Variants in SEC24D observed in about 807,000 individuals in gnomAD.
The protein encoded by SEC24D is protein transport protein Sec24D.
SEC24D carries 69 observed loss-of-function variants against 116.9 expected under a neutral mutation model. The ratio of observed to expected loss-of-function variants is 0.59; its 90% CI spans 0.49 to 0.72. SEC24D has a LOEUF of 0.72. SEC24D is among the 30% of genes least tolerant of loss of function. The pLI is 0.00. For synonymous variants in SEC24D, 405 were observed against 442.8 expected, an observed-to-expected ratio of 0.91 and a Z score of 1.07; for missense variants, 1,131 against 1,264.1, an observed-to-expected ratio of 0.89 and a Z score of 1.60.
chr4:118,734,185 A>G (rs377128277), intron 19 of SEC24D, among the ~76,000 whole-genome samples: 1 of 150,032 alleles, frequency 6.7e-6, no homozygotes, highest in Non-Finnish European at 1.5e-5. Flanking sequence ...TGATCTATAA[A>G]TTAATGGTTT....
chr4:118,782,824 C>G (rs372264352), intron 8 of SEC24D, among the ~76,000 whole-genome samples: 5 of 152,206 alleles, frequency 3.3e-5, no homozygotes, highest in South Asian at 4.1e-4. Flanking sequence ...AACCCTCCCC[C>G]CTGCCAGGCT....
At chr4:118,833,464 C>A (rs891547688) in intron 2 of SEC24D, 115 bp downstream of exon 2, 19 of 692,198 alleles carry the variant, frequency 2.7e-5, no homozygotes, top group Non-Finnish European at 7.3e-6. Context: ...TAATCTCAAG[C>A]CATTTCATTA....
At chr4:118,747,467 T>C (rs954867850) in intron 13 of SEC24D, among the ~76,000 whole-genome samples, 2 of 152,070 alleles carry the variant, frequency 1.3e-5, no homozygotes, top group African/African-American at 2.4e-5. Context: ...GGCTTCTCCA[T>C]GTTGGTCAGG....
chr4:118,774,196 T>C (rs1728035269), intron 8 of SEC24D, among the ~76,000 whole-genome samples: 1 of 152,102 alleles, frequency 6.6e-6, no homozygotes, highest in South Asian at 2.1e-4. Context: ...TTTTCCTTTT[T>C]TTCTTTGAAC....
At chr4:118,832,060 A>G (rs56264833) in intron 2 of SEC24D, among the ~76,000 whole-genome samples, 6,649 of 152,110 alleles carry the variant, frequency 0.044, 203 homozygotes, top group Non-Finnish European at 0.064. Context: ...AAAATTACCC[A>G]GGCATGGTGG....
At chr4:118,742,347 A>G (rs1474912441) in intron 15 of SEC24D, among the ~76,000 whole-genome samples, 1 of 148,496 alleles carries the variant, frequency 6.7e-6, no homozygotes, top group Non-Finnish European at 1.5e-5. Context: ...CAGGAATGGA[A>G]GATGATAAAG....
chr4:118,726,747 G>A (rs1018409741), intron 22 of SEC24D, among the ~76,000 whole-genome samples: 6 of 151,994 alleles, frequency 3.9e-5, no homozygotes, highest in Admixed American at 6.5e-5. Context: ...ACTTGGTTTC[G>A]GTCATCTGTA....
rs749811700 is a variant in SEC24D at position 118,744,976 on chromosome 4, C to T, written c.1792G>A (p.Asp598Asn). Residue 598 changes from aspartate to asparagine, a missense_variant, in exon 14 of 23, where the codon GAC becomes AAC. Asp to Asn is a conservative substitution (Grantham distance 23). Transcript: ENST00000280551. ...TTGTCTGTATTAACCAGTTTTTTGT[C>T]ATCTCTGTTTTTGAGCTTCCCTGGT... ...EAPGKLKNRD[D>N]KKLVNTDKEK... 1.2e-6 allele frequency: 2 copies of T among 1,609,950 alleles called. No individual in the cohort carries two copies. The highest frequency in any genetic ancestry group is 1.7e-6 in the Non-Finnish European group (2 of 1,177,714).
intron 10 of SEC24D, chr4:118,760,720 G>T (rs13134170): frequency 0.63 from 93,892 of 149,720 alleles, 30,967 homozygotes; most frequent in Non-Finnish European, 0.72. Flanking sequence ...TTTTTTTTTT[G>T]TTTGTTTAAA....
At chr4:118,788,259 C>T (rs35857072) in intron 8 of SEC24D, among the ~76,000 whole-genome samples, 12 of 152,330 alleles carry the variant, frequency 7.9e-5, no homozygotes, top group African/African-American at 2.9e-4. Flanking sequence ...TAAATGGCAT[C>T]TATGGTGAAT....
rs1190642109 is a variant in SEC24D at position 118,790,370 on chromosome 4, T to G, written c.1041+7313A>C. Reference sequence around the variant, plus strand: ...TGTCCAAAAGATAAACATTTCCTATTTTAGAGAAAAAAATGCAAAATTAAA... The same window carrying G: ...TGTCCAAAAGATAAACATTTCCTATGTTAGAGAAAAAAATGCAAAATTAAA... On this transcript the variant is annotated intron_variant, in intron 8 of 22. Transcript: ENST00000280551. 2.0e-5 allele frequency among the ~76,000 whole-genome samples: 3 copies of G among 152,156 alleles called. No individual in the cohort carries two copies. In the East Asian group the frequency reaches 5.8e-4, roughly 29 times the overall value.
At chr4:118,796,257 C>T (rs917601864) in intron 8 of SEC24D, among the ~76,000 whole-genome samples, 4 of 152,178 alleles carry the variant, frequency 2.6e-5, no homozygotes, top group Non-Finnish European at 4.4e-5. Context: ...CTTTAAAATG[C>T]ATGCATTGTA....
Position 118,797,675 on chromosome 4 carries a change from ATT to A in SEC24D, c.1041+6_1041+7del. 6.3e-7 allele frequency: 1 copy of A among 1,584,310 alleles called. No homozygotes were observed. The highest frequency in any genetic ancestry group is 8.6e-7 in the Non-Finnish European group (1 of 1,161,870). Reference sequence around the variant, plus strand: ...AATTATTGAATTGCTATTATATATCATTCTTACCTCATTTGAAGGAATGGTGG... The same window carrying A: ...AATTATTGAATTGCTATTATATATCACTTACCTCATTTGAAGGAATGGTGG... On this transcript the variant is annotated splice_donor_region_variant and intron_variant, in intron 8 of 22. Transcript: ENST00000280551.
intron 2 of SEC24D, among the ~76,000 whole-genome samples, chr4:118,826,589 G>A (rs1041910672): frequency 1.1e-4 from 16 of 151,368 alleles, no homozygotes; most frequent in African/African-American, 3.9e-4. Context: ...CATGCACTAC[G>A]AGAAGTCGAA....
chr4:118,789,554 G>A (rs1344575356), intron 8 of SEC24D, among the ~76,000 whole-genome samples: 1 of 152,086 alleles, frequency 6.6e-6, no homozygotes, highest in Non-Finnish European at 1.5e-5. Flanking sequence ...TCATTAACAA[G>A]AAAGATTTAA....
chr4:118,771,761 TAA>T (rs960817222), intron 8 of SEC24D, among the ~76,000 whole-genome samples: 2 of 152,238 alleles, frequency 1.3e-5, no homozygotes, highest in Admixed American at 1.3e-4. Context: ...AGTAAAATTT[TAA>T]AAGTCTTCTT....
At chr4:118,736,019 GTCTTTTTTTT>G (rs1725941626) in intron 19 of SEC24D, 1 of 112,354 alleles carries the variant, frequency 8.9e-6, no homozygotes, top group Non-Finnish European at 1.8e-5. Context: ...CTAGTTATAT[GTCTTTTTTTT>G]TTTTTTTTTT....
chr4:118,739,930 A>G, intron 17 of SEC24D, among the ~76,000 whole-genome samples: 1 of 152,156 alleles, frequency 6.6e-6, no homozygotes, highest in Admixed American at 6.6e-5. Context: ...ACTTTAAAGA[A>G]AGCCAAATCC....
intron 8 of SEC24D, among the ~76,000 whole-genome samples, chr4:118,784,496 A>G (rs1209501666): frequency 6.6e-6 from 1 of 152,212 alleles, no homozygotes; most frequent in Non-Finnish European, 1.5e-5. Flanking sequence ...TTCCATGTTA[A>G]GACAACAATG....
Sources: allele counts gnomAD v4.1 joint callset (sites outside exome capture counted in the v4.1 genomes callset), GRCh38; gene constraint gnomAD v4.1.1; transcripts MANE v1.5; gene names NCBI Gene and HGNC (gene_info 2026-07-23, HGNC 2026-07-21).